WWOX: variants seen among roughly 807,000 people sequenced by gnomAD.
The protein encoded by WWOX is WW domain containing oxidoreductase.
In WWOX, 69 loss-of-function variants were observed where a neutral mutation model predicts 46.2. The observed-to-expected ratio is 1.49, with a 90% CI of 1.23 to 1.82. WWOX has a LOEUF of 1.82. WWOX is among the 40% of genes most tolerant of loss of function. The pLI is 0.00. For synonymous variants in WWOX, 359 were observed against 202.6 expected (o/e 1.77, Z -6.56); for missense variants, 919 against 542.6 (o/e 1.69, Z -6.89).
At chr16:78,379,019 A>G (rs1464049184) in intron 5 of WWOX, among the ~76,000 whole-genome samples, 1 of 152,196 alleles carries the variant, frequency 6.6e-6, no homozygotes, top group Non-Finnish European at 1.5e-5. Context: ...TCAGTTGGCA[A>G]CACGTATCTG....
intron 3 of WWOX, among the ~76,000 whole-genome samples, chr16:78,110,487 T>G (rs933425536): frequency 6.6e-6 from 1 of 152,230 alleles, no homozygotes; most frequent in Non-Finnish European, 1.5e-5. Context: ...GTTATTATTT[T>G]GTACAGATAT....
chr16:78,453,736 G>A lies in WWOX; in HGVS notation c.1056+20984G>A, dbSNP rs111933309. 5.4e-3 allele frequency among the ~76,000 whole-genome samples: 824 copies of A among 152,242 alleles called. 9 individuals carry two copies. Among genetic ancestry groups the A allele is most frequent in the African/African-American group, 0.019 (788 of 41,528 alleles). The stretch of plus-strand genomic sequence containing the variant: ...TTTTCATGGAAGTGTAATACAGGGT[G>A]AATTCCATTAAGTCAATTAAATACT... On this transcript the variant is annotated intron_variant, in intron 8 of 8. Transcript: ENST00000566780.
At chr16:79,139,814 C>T (rs1054741177) in intron 8 of WWOX, among the ~76,000 whole-genome samples, 2 of 152,124 alleles carry the variant, frequency 1.3e-5, no homozygotes, top group Non-Finnish European at 2.9e-5. Flanking sequence ...GGCACTTGCC[C>T]GAATGACTTT....
chr16:78,547,158 A>G (rs1427126868), intron 8 of WWOX, among the ~76,000 whole-genome samples: 2 of 139,448 alleles, frequency 1.4e-5, no homozygotes, highest in South Asian at 4.7e-4. Flanking sequence ...AAAAAAAAAA[A>G]ACAACTACCA....
intron 5 of WWOX, among the ~76,000 whole-genome samples, chr16:78,334,671 G>A (rs577189600): frequency 1.1e-4 from 17 of 152,076 alleles, no homozygotes; most frequent in African/African-American, 4.1e-4. Flanking sequence ...AAATGACCCA[G>A]TTTCCACAGA....
intron 8 of WWOX, among the ~76,000 whole-genome samples, chr16:78,512,942 G>C (rs1182677305): frequency 6.6e-6 from 1 of 152,210 alleles, no homozygotes; most frequent in African/African-American, 2.4e-5. Context: ...AGGCCCATTA[G>C]TGAAAAGAGC....
rs74619051 is a variant in WWOX, at chr16:78,833,707, C to G, written c.1057-377901C>G. ...AGATTTCACAGCAGTTGATTGAATG[C>G]TGTTACCTCAGCATCCTCTGTGAAA... is the stretch of plus-strand genomic sequence containing the variant. On this transcript the variant is annotated intron_variant, in intron 8 of 8. Transcript: ENST00000566780. Among the ~76,000 whole-genome samples the G allele has an allele frequency of 5.8e-3, 882 of 152,356 alleles. 1 individual carries two copies. Among genetic ancestry groups the G allele is most frequent in the Non-Finnish European group, 1.0e-2 (679 of 68,040 alleles).
intron 8 of WWOX, among the ~76,000 whole-genome samples, chr16:79,188,212 G>A (rs1351855947): frequency 6.6e-6 from 1 of 152,210 alleles, no homozygotes; most frequent in East Asian, 1.9e-4. Context: ...GGAGGCGGTA[G>A]TGGTGCTGCA....
intron 5 of WWOX, among the ~76,000 whole-genome samples, chr16:78,170,450 A>T (rs1056854645): frequency 6.6e-6 from 1 of 152,210 alleles, no homozygotes; most frequent in African/African-American, 2.4e-5. Flanking sequence ...CAACAATAAT[A>T]ATATTTTCTT....
At chr16:78,273,757 T>G (rs1597432579) in intron 5 of WWOX, among the ~76,000 whole-genome samples, 1 of 151,170 alleles carries the variant, frequency 6.6e-6, no homozygotes, top group East Asian at 1.9e-4. Flanking sequence ...ACAGGCGTGG[T>G]GAATGGAGAA....
At chr16:78,442,809 G>C (rs920183895) in intron 8 of WWOX, among the ~76,000 whole-genome samples, 1 of 151,642 alleles carries the variant, frequency 6.6e-6, no homozygotes, top group Non-Finnish European at 1.5e-5. Context: ...GCGAAATTCT[G>C]TCTCTACTAA....
intron 8 of WWOX, among the ~76,000 whole-genome samples, chr16:78,967,874 G>A (rs1320412592): frequency 6.6e-6 from 1 of 152,188 alleles, no homozygotes; most frequent in Non-Finnish European, 1.5e-5. Flanking sequence ...AGCCTCCGGG[G>A]CCACATCAGT....
intron 8 of WWOX, among the ~76,000 whole-genome samples, chr16:78,776,731 C>T (rs1272913470): frequency 2.0e-5 from 3 of 152,094 alleles, no homozygotes; most frequent in African/African-American, 7.2e-5. Flanking sequence ...AACTTACGAT[C>T]ATGGTGGAAA....
chr16:78,735,394 A>ACACACACACACACACAC (rs2049064573), intron 8 of WWOX, among the ~76,000 whole-genome samples: 2 of 121,276 alleles, frequency 1.6e-5, no homozygotes, highest in African/African-American at 6.2e-5. Context: ...ACCACACACA[A>ACACACACACACACACAC]ACACACACAC....
intron 8 of WWOX, among the ~76,000 whole-genome samples, chr16:78,755,580 G>A (rs951021356): frequency 1.4e-4 from 21 of 152,122 alleles, no homozygotes; most frequent in African/African-American, 4.1e-4. Context: ...AGCCCTGCCC[G>A]AAGCCTCTCA....
intron 8 of WWOX, among the ~76,000 whole-genome samples, chr16:79,133,172 T>C (rs946324371): frequency 6.6e-6 from 1 of 152,254 alleles, no homozygotes; most frequent in Non-Finnish European, 1.5e-5. Context: ...TTAACAACTT[T>C]ATTTATGTAA....
At chr16:79,033,428 G>A (rs925565144) in intron 8 of WWOX, among the ~76,000 whole-genome samples, 2 of 151,586 alleles carry the variant, frequency 1.3e-5, no homozygotes, top group Non-Finnish European at 1.5e-5. Context: ...ATTCCATGGT[G>A]TAGATGTACC....
intron 8 of WWOX, among the ~76,000 whole-genome samples, chr16:78,653,551 G>T (rs927868318): frequency 2.1e-4 from 32 of 152,228 alleles, no homozygotes; most frequent in African/African-American, 5.8e-4. Flanking sequence ...AGATACACAG[G>T]AAGAGAGACC....
At chr16:78,416,409 C>G (rs184458418) in intron 6 of WWOX, among the ~76,000 whole-genome samples, 14 of 152,312 alleles carry the variant, frequency 9.2e-5, no homozygotes, top group African/African-American at 3.4e-4. Flanking sequence ...TCATATTCCA[C>G]AAGCCTGTTT....
Sources: gnomAD v4.1 joint callset for allele counts (sites outside exome capture counted in the v4.1 genomes callset) on GRCh38, gnomAD v4.1.1 for gene constraint, MANE v1.5 for transcripts, NCBI Gene and HGNC (gene_info 2026-07-23, HGNC 2026-07-21) for gene names.